SPINK2: variants seen among roughly 807,000 people sequenced by gnomAD.
The protein encoded by SPINK2 is serine protease inhibitor Kazal-type 2.
In SPINK2, 8 loss-of-function variants were observed where a neutral mutation model predicts 13.5. The observed-to-expected ratio is 0.59, with a 90% CI of 0.35 to 1.07. The LOEUF is 1.07. Among genes scored for constraint, SPINK2 ranks in the 50% least tolerant of loss-of-function variants. The pLI, the probability that SPINK2 is intolerant of heterozygous loss-of-function variation, is 0.02. For synonymous variants in SPINK2, 76 were observed against 74.7 expected (o/e 1.02, Z -0.09); for missense variants, 148 against 180.3 (o/e 0.82, Z 1.03).
chr4:56,821,858 G>A (rs1341961897), upstream of SPINK2: 5 of 545,532 alleles, frequency 9.2e-6, no homozygotes, highest in African/African-American at 8.6e-5. Context: ...AGGGTCGGGG[G>A]AGAACCGGAA....
At chr4:56,812,347 G>A (rs968129572) in intron 2 of SPINK2, among the ~76,000 whole-genome samples, 1 of 151,410 alleles carries the variant, frequency 6.6e-6, no homozygotes, top group African/African-American at 2.4e-5. Flanking sequence ...CCGAGACTGG[G>A]AGTTCGAGAC....
chr4:56,815,498 G>A (rs1010449968), intron 2 of SPINK2, among the ~76,000 whole-genome samples: 3 of 151,796 alleles, frequency 2.0e-5, no homozygotes, highest in Non-Finnish European at 2.9e-5. Flanking sequence ...CCAGGAGTTC[G>A]AGATCAGCCT....
In SPINK2 at chr4:56,811,942, T is replaced by C. The variant is rs200119551; in HGVS notation, c.250-148A>G. On this transcript the variant is annotated intron_variant, in intron 2 of 3. Coordinates refer to ENST00000506738, the MANE Select transcript of SPINK2 (RefSeq NM_001271718.2). ...ATTTTCCAGAAAAATTTTTTCTTTT[T>C]TTTTTTTTTTTTTTGAGACAGAGTC... 5.9e-3 allele frequency: 1,513 copies of C among 258,274 alleles called. 1 individual carries two copies. The highest frequency in any genetic ancestry group is 0.05 in the South Asian group (625 of 12,434). 16.0% of individuals were successfully genotyped at this position (258,274 alleles called of 1,614,324 possible).
rs111388071 is a variant in SPINK2 at position 56,820,348 on chromosome 4, G to C, written c.249+188C>G. ...TCTTTAAAGGAAATATTAACACAAA[G>C]ACTGAGCTGTTTTCAACTAAAACTT... On this transcript the variant is annotated intron_variant, in intron 2 of 3. Transcript: ENST00000506738. Among the ~76,000 whole-genome samples the C allele has an allele frequency of 4.1e-3, 627 of 152,256 alleles. 4 individuals are homozygous for C. Among genetic ancestry groups the C allele is most frequent in the African/African-American group, 0.014 (586 of 41,548 alleles).
At chr4:56,812,605 T>C (rs1717092121) in intron 2 of SPINK2, among the ~76,000 whole-genome samples, 1 of 144,172 alleles carries the variant, frequency 6.9e-6, no homozygotes, top group African/African-American at 2.6e-5. Flanking sequence ...CCTCAGAGGC[T>C]TCAATCTGGC....
chr4:56,815,795 C>A lies in SPINK2; in HGVS notation c.250-4001G>T, dbSNP rs891974499. ...ACACACACACACACACACACACACA[C>A]ACAAAACTATTATTACTAATAAACA... On this transcript the variant is annotated intron_variant, in intron 2 of 3. Coordinates refer to ENST00000506738, the MANE Select transcript of SPINK2 (RefSeq NM_001271718.2). 9.1e-4 allele frequency among the ~76,000 whole-genome samples: 136 copies of A among 149,482 alleles called. 1 individual carries two copies. The highest frequency in any genetic ancestry group is 2.7e-4 in the Non-Finnish European group (18 of 67,850).
At chr4:56,816,471 G>C (rs1409954757) in intron 2 of SPINK2, among the ~76,000 whole-genome samples, 4 of 151,930 alleles carry the variant, frequency 2.6e-5, no homozygotes, top group Non-Finnish European at 5.9e-5. Context: ...GGCCAACCTG[G>C]TGAAACCCCG....
intron 2 of SPINK2, among the ~76,000 whole-genome samples, chr4:56,820,042 G>A (rs1450337173): frequency 6.6e-6 from 1 of 152,160 alleles, no homozygotes. Flanking sequence ...TGTGCTTCTA[G>A]TTAGCTCACC....
Position 56,821,519 on chromosome 4 carries a change from C to T in SPINK2, c.144G>A (p.Pro48=). ...SQTGGGPCPA[P]GGLGDGTRAP... Reference sequence around the variant, plus strand: ...CGCGGGTACCGTCGCCGAGGCCGCCCGGAGCAGGGCAGGGTCCGCCGCCGG... The same window carrying T: ...CGCGGGTACCGTCGCCGAGGCCGCCTGGAGCAGGGCAGGGTCCGCCGCCGG... The change falls in exon 1 of 4, where the codon CCG becomes CCA. Residue 48 remains proline, a synonymous_variant. Transcript: ENST00000506738. The T allele has an allele frequency of 6.5e-7, 1 of 1,542,550 alleles. No individual in the cohort carries two copies. The highest frequency in any genetic ancestry group is 8.7e-7 in the Non-Finnish European group (1 of 1,145,960).
chr4:56,821,715 G>T, upstream of SPINK2: 4 of 1,402,566 alleles, frequency 2.9e-6, no homozygotes, highest in South Asian at 1.5e-5. Context: ...TGCGCCACTC[G>T]CAGGGAGCGC....
intron 2 of SPINK2, among the ~76,000 whole-genome samples, chr4:56,820,189 A>C (rs576786223): frequency 6.6e-5 from 10 of 152,202 alleles, no homozygotes; most frequent in Non-Finnish European, 1.3e-4. Context: ...CTCTCTTGCT[A>C]TAACAAGCCC....
At chr4:56,812,075 T>C (rs565794446) in intron 2 of SPINK2, among the ~76,000 whole-genome samples, 254 of 151,690 alleles carry the variant, frequency 1.7e-3, no homozygotes, top group African/African-American at 5.9e-3. Flanking sequence ...TTTGTATTTT[T>C]AGTAGAGACA....
intron 2 of SPINK2, 143 bp from the exon 3 acceptor site, chr4:56,811,937 C>CTTTTTTTTT (rs375969300): frequency 5.9e-6 from 1 of 170,470 alleles, no homozygotes; most frequent in East Asian, 1.5e-4. Flanking sequence ...AAAATTTTTT[C>CTTTTTTTTT]TTTTTTTTTT....
chr4:56,811,615 A>C, intron 3 of SPINK2, 70 bp downstream of exon 3: 2 of 452,604 alleles, frequency 4.4e-6, no homozygotes, highest in African/African-American at 2.2e-5. Flanking sequence ...AGACTCTGTC[A>C]AAAAAAAAAA....
intron 2 of SPINK2, among the ~76,000 whole-genome samples, chr4:56,816,489 T>C (rs917531225): frequency 5.9e-5 from 9 of 151,918 alleles, no homozygotes; most frequent in African/African-American, 1.4e-4. Flanking sequence ...CCGTCTCTAC[T>C]AAAAATAGAA....
chr4:56,821,746 A>AGGGCGAGGAAAG (rs1560419872), upstream of SPINK2: 1 of 1,237,718 alleles, frequency 8.1e-7, no homozygotes, highest in African/African-American at 1.8e-5. Context: ...GGGCGCGGGG[A>AGGGCGAGGAAAG]GGGCGGGGGA....
In SPINK2 at chr4:56,815,519, G is replaced by A. The variant is rs1717363828; in HGVS notation, c.250-3725C>T. Among the ~76,000 whole-genome samples, 3 of 152,054 alleles carry A rather than the reference G, an allele frequency of 2.0e-5. No individual in the cohort carries two copies. The South Asian group carries it at 6.2e-4, about 32-fold the overall frequency. The stretch of plus-strand genomic sequence containing the variant: ...GTTCGAGATCAGCCTGGCCAACATG[G>A]TGAAACCCTGCCTGTACTAAAAATG... On this transcript the variant is annotated intron_variant, in intron 2 of 3. Transcript: ENST00000506738.
intron 2 of SPINK2, among the ~76,000 whole-genome samples, chr4:56,814,666 T>A (rs547095778): frequency 6.6e-5 from 10 of 151,554 alleles, no homozygotes; most frequent in East Asian, 5.9e-4. Flanking sequence ...TGATTTTTTT[T>A]AAAAAAAAGA....
intron 2 of SPINK2, chr4:56,818,132 T>A (rs998499868): frequency 3.7e-4 from 56 of 152,070 alleles, no homozygotes; most frequent in African/African-American, 1.4e-3. Flanking sequence ...AGGTAAGAGA[T>A]AATGGGCGTC....
Sources: gnomAD v4.1 joint callset for allele counts (sites outside exome capture counted in the v4.1 genomes callset) on GRCh38, gnomAD v4.1.1 for gene constraint, MANE v1.5 for transcripts, NCBI Gene and HGNC (gene_info 2026-07-23, HGNC 2026-07-21) for gene names.